NRG1: variants seen among roughly 807,000 people sequenced by gnomAD.
NRG1 encodes neuregulin 1.
NRG1 carries 18 observed loss-of-function variants against 63.8 expected under a neutral mutation model. The observed-to-expected ratio is 0.28, with a 90% CI of 0.19 to 0.42. The LOEUF is 0.42. NRG1 is among the 10% of genes least tolerant of loss of function. NRG1 has a pLI of 1.00. For missense variants in NRG1, 762 were observed against 814.7 expected (o/e 0.94, Z 0.79); for synonymous variants, 302 against 301.3 (o/e 1.00, Z -0.02).
At chr8:32,136,478 T>C (rs1039049976) in intron 1 of NRG1, among the ~76,000 whole-genome samples, 2 of 152,174 alleles carry the variant, frequency 1.3e-5, no homozygotes, top group Non-Finnish European at 2.9e-5. Flanking sequence ...TAGGCTAAAA[T>C]CTCAGATCCT....
intron 1 of NRG1, among the ~76,000 whole-genome samples, chr8:32,117,360 G>A (rs1053862146): frequency 7.2e-5 from 11 of 152,124 alleles, no homozygotes; most frequent in African/African-American, 2.7e-4. Flanking sequence ...TTTACATTTT[G>A]TGGTTTGGTT....
At chr8:32,402,048 A>T (rs1156775130) in intron 1 of NRG1, among the ~76,000 whole-genome samples, 2 of 152,032 alleles carry the variant, frequency 1.3e-5, no homozygotes, top group Non-Finnish European at 2.9e-5. Context: ...AGTACCTGGG[A>T]CAACAGGCGC....
At chr8:31,920,174 C>T (rs1268608331) in intron 1 of NRG1, among the ~76,000 whole-genome samples, 1 of 152,018 alleles carries the variant, frequency 6.6e-6, no homozygotes, top group Non-Finnish European at 1.5e-5. Flanking sequence ...AAAGGAATTC[C>T]ACTTGAGCTG....
chr8:32,768,229 A>C (rs1589674560), downstream of NRG1, among the ~76,000 whole-genome samples: 1 of 152,314 alleles, frequency 6.6e-6, no homozygotes, highest in South Asian at 2.1e-4. Flanking sequence ...CATACACAAT[A>C]ACAGAGAGAG....
At chr8:32,080,015 G>C (rs778655054) in intron 1 of NRG1, among the ~76,000 whole-genome samples, 1 of 151,982 alleles carries the variant, frequency 6.6e-6, no homozygotes, top group African/African-American at 2.4e-5. Flanking sequence ...AAGGGGACAA[G>C]ACTCAGGACT....
intron 1 of NRG1, among the ~76,000 whole-genome samples, chr8:32,443,107 T>C (rs562352686): frequency 6.6e-6 from 1 of 152,194 alleles, no homozygotes. Context: ...GCTAATTTTT[T>C]TCTTAATTTC....
intron 1 of NRG1, among the ~76,000 whole-genome samples, chr8:32,174,419 A>G (rs1840449136): frequency 6.6e-6 from 1 of 152,156 alleles, no homozygotes; most frequent in African/African-American, 2.4e-5. Flanking sequence ...TCACAATTAA[A>G]AGAACTAGAA....
intron 1 of NRG1, among the ~76,000 whole-genome samples, chr8:32,513,603 T>G (rs1251454800): frequency 6.6e-6 from 1 of 152,130 alleles, no homozygotes; most frequent in East Asian, 1.9e-4. Flanking sequence ...TACCATATTG[T>G]GAATTTTGAG....
At chr8:32,514,282 T>C (rs4733124) in intron 1 of NRG1, among the ~76,000 whole-genome samples, 21,551 of 149,454 alleles carry the variant, frequency 0.14, 2,004 homozygotes, top group Admixed American at 0.29. Context: ...TCTGCTATTG[T>C]GTGTGTATAT....
chr8:32,555,506 G>C (rs1369772047), intron 1 of NRG1, among the ~76,000 whole-genome samples: 1 of 152,118 alleles, frequency 6.6e-6, no homozygotes, highest in Non-Finnish European at 1.5e-5. Flanking sequence ...GAGTCTCACT[G>C]TGTCACCCAG....
At chr8:31,865,566 T>C (rs184371556) in intron 1 of NRG1, among the ~76,000 whole-genome samples, 122 of 152,246 alleles carry the variant, frequency 8.0e-4, no homozygotes, top group Non-Finnish European at 1.3e-3. Context: ...CATGCTGTTC[T>C]TGTGATAGTG....
intron 1 of NRG1, among the ~76,000 whole-genome samples, chr8:31,880,625 A>G (rs1004033710): frequency 1.3e-5 from 2 of 152,220 alleles, no homozygotes; most frequent in African/African-American, 2.4e-5. Context: ...TACAAATTAC[A>G]TATGAAGACT....
At chr8:32,662,728 A>T (rs574016550) in intron 5 of NRG1, among the ~76,000 whole-genome samples, 1 of 152,162 alleles carries the variant, frequency 6.6e-6, no homozygotes, top group Non-Finnish European at 1.5e-5. Flanking sequence ...GATGAATTGG[A>T]TATGGGATTT....
chr8:32,470,030 AT>A (rs71208185), intron 1 of NRG1, among the ~76,000 whole-genome samples: 2,941 of 132,606 alleles, frequency 0.022, 78 homozygotes, highest in African/African-American at 0.069. Flanking sequence ...CGCCCAGCTA[AT>A]TTTTTTTTTT....
intron 1 of NRG1, among the ~76,000 whole-genome samples, chr8:31,761,009 T>A (rs1817490248): frequency 6.6e-6 from 1 of 152,164 alleles, no homozygotes; most frequent in South Asian, 2.1e-4. Flanking sequence ...ACACGTATGT[T>A]TATTGCGGCA....
chr8:31,787,512 G>A (rs7830159), intron 1 of NRG1, among the ~76,000 whole-genome samples: 89,176 of 151,958 alleles, frequency 0.59, 26,611 homozygotes, highest in East Asian at 0.87. Flanking sequence ...GCCTCAAACC[G>A]TTTTGTTTTG....
At chr8:32,195,398 C>G (rs1842861236) in intron 1 of NRG1, among the ~76,000 whole-genome samples, 1 of 148,808 alleles carries the variant, frequency 6.7e-6, no homozygotes, top group South Asian at 2.1e-4. Flanking sequence ...TTGCTTGTGC[C>G]ACTGCAGTCC....
At chr8:31,673,489 C>T (rs1807367757) in intron 1 of NRG1, among the ~76,000 whole-genome samples, 1 of 152,238 alleles carries the variant, frequency 6.6e-6, no homozygotes, top group African/African-American at 2.4e-5. Flanking sequence ...TGAGGAAAAC[C>T]AGATCATCAA....
chr8:32,682,221 A>C (rs887225017), intron 5 of NRG1, among the ~76,000 whole-genome samples: 8 of 152,270 alleles, frequency 5.3e-5, no homozygotes, highest in African/African-American at 1.9e-4. Flanking sequence ...CTATTTTTAT[A>C]GTTATTATGC....
Sources: gnomAD v4.1 joint callset for allele counts (sites outside exome capture counted in the v4.1 genomes callset) on GRCh38, gnomAD v4.1.1 for gene constraint, MANE v1.5 for transcripts, NCBI Gene and HGNC (gene_info 2026-07-23, HGNC 2026-07-21) for gene names.